Variants in EYA3 observed in about 807,000 individuals in gnomAD.
EYA3 encodes the protein EYA transcriptional coactivator and phosphatase 3.
Under a neutral mutation model 80.0 loss-of-function variants are expected in EYA3, and 39 were observed. The ratio of observed to expected loss-of-function variants is 0.49; its 90% CI spans 0.38 to 0.64. The LOEUF is 0.64. Ranked by LOEUF, EYA3 falls within the 30% of genes least tolerant of loss-of-function variation. The probability of loss-of-function intolerance (pLI) is 0.00; values close to 1 mark genes in which losing one functional copy is unlikely to be tolerated. For synonymous variants in EYA3, 206 were observed against 232.8 expected (o/e 0.88, Z 1.05); for missense variants, 523 against 676.1 (o/e 0.77, Z 2.51).
intron 1 of EYA3, among the ~76,000 whole-genome samples, chr1:28,064,093 C>T (rs1270329112): frequency 1.3e-5 from 2 of 151,908 alleles, no homozygotes; most frequent in African/African-American, 4.8e-5. Context: ...TATTGGTATA[C>T]AAGAAAAACA....
intron 7 of EYA3, among the ~76,000 whole-genome samples, chr1:28,024,455 G>A (rs1394601398): frequency 6.6e-6 from 1 of 151,908 alleles, no homozygotes; most frequent in East Asian, 1.9e-4. Context: ...TCAGGAATTC[G>A]AGACCAGACT....
At chr1:28,054,008 T>C (rs1644359266) in intron 2 of EYA3, among the ~76,000 whole-genome samples, 1 of 152,202 alleles carries the variant, frequency 6.6e-6, no homozygotes, top group South Asian at 2.1e-4. Context: ...AAAGTCGTCA[T>C]GGAGACTATA....
rs139833305 is a variant in EYA3 at position 27,981,089 on chromosome 1, T to C, written c.1541-2615A>G. ...AAAAACTTCTGACATTTTCAGAAAT[T>C]ATTTTGAGAATTCTCTTTAATGTCC... On this transcript the variant is annotated intron_variant, in intron 16 of 17. Transcript: ENST00000373871. 4.5e-3 allele frequency among the ~76,000 whole-genome samples: 683 copies of C among 152,310 alleles called. 9 individuals carry two copies. Among genetic ancestry groups the C allele is most frequent in the Non-Finnish European group, 6.3e-3 (429 of 68,026 alleles).
intron 7 of EYA3, among the ~76,000 whole-genome samples, chr1:28,025,406 A>G (rs1487697983): frequency 1.3e-5 from 2 of 152,220 alleles, no homozygotes; most frequent in Non-Finnish European, 2.9e-5. Context: ...ACTGAAAAGC[A>G]TAAATATTGT....
chr1:28,044,162 C>G (rs1460224604), intron 3 of EYA3, among the ~76,000 whole-genome samples: 1 of 152,192 alleles, frequency 6.6e-6, no homozygotes, highest in Non-Finnish European at 1.5e-5. Flanking sequence ...TCAAAATGTT[C>G]TCTCTTTTCC....
intron 7 of EYA3, among the ~76,000 whole-genome samples, chr1:28,021,706 C>T (rs183160796): frequency 1.7e-4 from 26 of 151,902 alleles, no homozygotes; most frequent in Non-Finnish European, 2.9e-4. Flanking sequence ...CTGGTTCAGG[C>T]GATTCTCGTG....
intron 2 of EYA3, among the ~76,000 whole-genome samples, chr1:28,050,994 G>A (rs1184359834): frequency 6.6e-6 from 1 of 152,170 alleles, no homozygotes; most frequent in Non-Finnish European, 1.5e-5. Flanking sequence ...AGCAAAGTGA[G>A]CAAAGATTCA....
chr1:28,040,288 G>A (rs61789707), intron 4 of EYA3, among the ~76,000 whole-genome samples: 2,142 of 152,244 alleles, frequency 0.014, 23 homozygotes, highest in Admixed American at 0.036. Flanking sequence ...ACAACTAGAC[G>A]GAGAGTGATA....
intron 1 of EYA3, among the ~76,000 whole-genome samples, 186 bp downstream of exon 1, chr1:28,088,338 C>A (rs1191563077): frequency 6.6e-6 from 1 of 152,120 alleles, no homozygotes; most frequent in African/African-American, 2.4e-5. Flanking sequence ...CGCGAGAAGG[C>A]TAAGCTGAGG....
At chr1:28,030,494 C>T (rs1417337204) in intron 6 of EYA3, among the ~76,000 whole-genome samples, 1 of 152,084 alleles carries the variant, frequency 6.6e-6, no homozygotes, top group Non-Finnish European at 1.5e-5. Context: ...GTCATATTGC[C>T]TAGGCTGGTT....
At chr1:28,012,671 A>G (rs1437803725) in intron 9 of EYA3, among the ~76,000 whole-genome samples, 1 of 152,218 alleles carries the variant, frequency 6.6e-6, no homozygotes, top group African/African-American at 2.4e-5. Flanking sequence ...TAAATTGTAT[A>G]TATTTCTCTG....
At chr1:28,054,213 T>C (rs146281856) in intron 2 of EYA3, among the ~76,000 whole-genome samples, 3 of 152,150 alleles carry the variant, frequency 2.0e-5, no homozygotes, top group Non-Finnish European at 1.5e-5. Flanking sequence ...TAATTATTAA[T>C]TTGACTTCAA....
At chr1:27,985,911 T>C (rs1639625055) in intron 16 of EYA3, among the ~76,000 whole-genome samples, 1 of 152,058 alleles carries the variant, frequency 6.6e-6, no homozygotes, top group African/African-American at 2.4e-5. Flanking sequence ...TCATTTTACT[T>C]GAGAAAACTG....
At chr1:28,008,236 C>T (rs1419647169) in intron 10 of EYA3, among the ~76,000 whole-genome samples, 3 of 151,926 alleles carry the variant, frequency 2.0e-5, no homozygotes, top group Non-Finnish European at 4.4e-5. Flanking sequence ...ACTGGATATC[C>T]ATATGCAAAA....
chr1:27,982,678 C>T (rs1252645907), intron 16 of EYA3, among the ~76,000 whole-genome samples: 3 of 151,882 alleles, frequency 2.0e-5, no homozygotes, highest in East Asian at 1.9e-4. Flanking sequence ...CTATAATCTC[C>T]GCCTCCTGGG....
Position 27,993,815 on chromosome 1 carries a change from G to A in EYA3, c.1143-255C>T, listed in dbSNP as rs543444120. On this transcript the variant is annotated intron_variant, in intron 13 of 17. Transcript: ENST00000373871. ...ATTCAAGCACCAGCATTCCTTAGAG[G>A]TTGACTTGGGATAAGGCATCTTTTT... 3.3e-5 allele frequency among the ~76,000 whole-genome samples: 5 copies of A among 152,278 alleles called. No homozygotes were observed. In the East Asian group the frequency reaches 7.7e-4, roughly 23 times the overall value.
chr1:28,020,670 G>GTGTGTA (rs1444153328), intron 7 of EYA3, among the ~76,000 whole-genome samples: 112 of 27,800 alleles, frequency 4.0e-3, no homozygotes, highest in African/African-American at 0.014. Flanking sequence ...AGATCATCGT[G>GTGTGTA]TGTGTGTGTG....
At chr1:28,082,633 A>C (rs1645468772) in intron 1 of EYA3, among the ~76,000 whole-genome samples, 1 of 152,164 alleles carries the variant, frequency 6.6e-6, no homozygotes, top group Non-Finnish European at 1.5e-5. Context: ...TTTGGAAATG[A>C]GACCAGTGGC....
chr1:28,016,532 T>TAAAAAAAAAAAAAAAAAAAAAAAAAA, intron 8 of EYA3, among the ~76,000 whole-genome samples: 1 of 113,956 alleles, frequency 8.8e-6, no homozygotes, highest in Non-Finnish European at 1.8e-5. Context: ...GACTCCATCT[T>TAAAAAAAAAAAAAAAAAAAAAAAAAA]AAAAAAAAAA....
Sources: allele counts gnomAD v4.1 joint callset (sites outside exome capture counted in the v4.1 genomes callset), GRCh38; gene constraint gnomAD v4.1.1; transcripts MANE v1.5; gene names NCBI Gene and HGNC (gene_info 2026-07-23, HGNC 2026-07-21).